The following LRRC4C variants were observed in gnomAD, a reference collection of about 807,000 sequenced individuals.
LRRC4C encodes leucine-rich repeat-containing protein 4C.
In LRRC4C, 5 loss-of-function variants were observed where a neutral mutation model predicts 33.6. The observed-to-expected ratio is 0.15, with a 90% CI of 0.08 to 0.31. The LOEUF is 0.31. Ranked by LOEUF, LRRC4C falls within the 10% of genes least tolerant of loss-of-function variation. The pLI is 1.00. For synonymous variants in LRRC4C, 329 were observed against 302.0 expected, an observed-to-expected ratio of 1.09 and a Z score of -0.93; for missense variants, 560 against 796.7, an observed-to-expected ratio of 0.70 and a Z score of 3.58.
intron 2 of LRRC4C, among the ~76,000 whole-genome samples, chr11:40,773,151 A>G (rs1053918641): frequency 2.8e-4 from 42 of 152,264 alleles, no homozygotes; most frequent in African/African-American, 9.6e-4. Flanking sequence ...AAATTCAAAC[A>G]ATTAAACTCA....
At chr11:40,772,569 A>T (rs1023659848) in intron 2 of LRRC4C, among the ~76,000 whole-genome samples, 1 of 152,232 alleles carries the variant, frequency 6.6e-6, no homozygotes, top group Non-Finnish European at 1.5e-5. Context: ...TGTAAAGAAG[A>T]TATATGAATG....
intron 2 of LRRC4C, among the ~76,000 whole-genome samples, chr11:40,834,082 T>C (rs1172746277): frequency 1.3e-5 from 2 of 152,180 alleles, no homozygotes; most frequent in African/African-American, 2.4e-5. Flanking sequence ...AGGACACAAC[T>C]GCAGTGTCAT....
At chr11:40,457,749 T>C (rs950031972) in intron 3 of LRRC4C, among the ~76,000 whole-genome samples, 1 of 152,182 alleles carries the variant, frequency 6.6e-6, no homozygotes, top group Non-Finnish European at 1.5e-5. Flanking sequence ...AATACTGTTA[T>C]AAGAGCATCT....
chr11:41,222,188 T>A (rs565013611), intron 1 of LRRC4C, among the ~76,000 whole-genome samples: 9 of 152,146 alleles, frequency 5.9e-5, no homozygotes, highest in Non-Finnish European at 1.0e-4. Flanking sequence ...AATGTACATA[T>A]GGTTGGTTAA....
intron 1 of LRRC4C, among the ~76,000 whole-genome samples, chr11:40,952,351 A>G (rs1344248404): frequency 3.9e-5 from 6 of 151,910 alleles, no homozygotes; most frequent in Non-Finnish European, 8.8e-5. Flanking sequence ...TTCGAAAGCT[A>G]CCTTTAAAAC....
chr11:40,234,193 C>A (rs1773142713), intron 5 of LRRC4C, among the ~76,000 whole-genome samples: 1 of 152,122 alleles, frequency 6.6e-6, no homozygotes, highest in South Asian at 2.1e-4. Context: ...TTTTTTTTGT[C>A]AGCTAGAATT....
chr11:41,204,829 G>C (rs1946534586), intron 1 of LRRC4C, among the ~76,000 whole-genome samples: 1 of 152,100 alleles, frequency 6.6e-6, no homozygotes, highest in Non-Finnish European at 1.5e-5. Context: ...CAAAATGTCA[G>C]TGAAGAGAAG....
chr11:41,283,614 A>G (rs1949735534), intron 1 of LRRC4C, among the ~76,000 whole-genome samples: 2 of 152,214 alleles, frequency 1.3e-5, no homozygotes, highest in African/African-American at 4.8e-5. Flanking sequence ...TCACTCATGT[A>G]CCTATTATAA....
intron 5 of LRRC4C, among the ~76,000 whole-genome samples, chr11:40,208,948 C>CCTGTGTGT (rs3221638): frequency 1.4e-5 from 2 of 146,640 alleles, no homozygotes; most frequent in Non-Finnish European, 3.0e-5. Flanking sequence ...CTTTTGTGCA[C>CCTGTGTGT]GTGTGTGTGT....
At chr11:40,368,591 C>A (rs185886717) in intron 3 of LRRC4C, among the ~76,000 whole-genome samples, 26 of 152,302 alleles carry the variant, frequency 1.7e-4, no homozygotes, top group African/African-American at 5.5e-4. Flanking sequence ...GACATGATTG[C>A]ATGTCTACAC....
chr11:41,256,579 A>G (rs750685030), intron 1 of LRRC4C, among the ~76,000 whole-genome samples: 12 of 152,058 alleles, frequency 7.9e-5, no homozygotes, highest in Non-Finnish European at 1.8e-4. Flanking sequence ...TCATAGCATT[A>G]AAAAGTAATC....
chr11:40,134,038 G>C (rs1463721102), intron 6 of LRRC4C, among the ~76,000 whole-genome samples: 1 of 152,046 alleles, frequency 6.6e-6, no homozygotes, highest in Non-Finnish European at 1.5e-5. Context: ...CTATTCTTTA[G>C]AATGAGGTAT....
chr11:41,377,903 G>A (rs1952997886), intron 1 of LRRC4C, among the ~76,000 whole-genome samples: 2 of 152,140 alleles, frequency 1.3e-5, no homozygotes, highest in South Asian at 4.1e-4. Flanking sequence ...AGGCAAAGCT[G>A]GATGCGCCAG....
At chr11:40,705,707 T>C (rs930819028) in intron 2 of LRRC4C, among the ~76,000 whole-genome samples, 1 of 152,090 alleles carries the variant, frequency 6.6e-6, no homozygotes, top group Non-Finnish European at 1.5e-5. Context: ...TTTATAATCC[T>C]TTGGGTATAT....
At chr11:40,780,035 T>A (rs898310959) in intron 2 of LRRC4C, among the ~76,000 whole-genome samples, 3 of 152,210 alleles carry the variant, frequency 2.0e-5, no homozygotes, top group African/African-American at 7.2e-5. Context: ...GTTCGATTTC[T>A]TCATCTTTAA....
At chr11:40,660,463 A>T (rs565931114) in intron 2 of LRRC4C, among the ~76,000 whole-genome samples, 1 of 152,236 alleles carries the variant, frequency 6.6e-6, no homozygotes, top group South Asian at 2.1e-4. Flanking sequence ...GTGCAGCCTT[A>T]TTAATGCATG....
intron 2 of LRRC4C, among the ~76,000 whole-genome samples, chr11:40,657,304 G>A (rs756130885): frequency 6.6e-6 from 1 of 152,146 alleles, no homozygotes; most frequent in African/African-American, 2.4e-5. Context: ...ATTGGTCTAA[G>A]CTGGAATTTT....
At chr11:40,976,880 G>T (rs1440768789) in intron 1 of LRRC4C, among the ~76,000 whole-genome samples, 2 of 152,008 alleles carry the variant, frequency 1.3e-5, no homozygotes, top group Admixed American at 6.6e-5. Flanking sequence ...ATCGTTTGGG[G>T]ATGATTCAAG....
In LRRC4C at chr11:40,476,484, T is replaced by G. The variant is rs1392366760; in HGVS notation, c.-269-156763A>C. ...CCTCAGCCTCCCAAGTAGCTGGGAC[T>G]ACGGGCACATGCCACCATGTCTGGC... is the stretch of plus-strand genomic sequence containing the variant. On this transcript the variant is annotated intron_variant, in intron 3 of 6. Coordinates refer to ENST00000528697, the MANE Select transcript of LRRC4C (RefSeq NM_001258419.2). Among the ~76,000 whole-genome samples the G allele has an allele frequency of 2.6e-5, 4 of 151,688 alleles. No homozygotes were observed. The East Asian group carries it at 7.9e-4, about 30-fold the overall frequency.
Sources: gnomAD v4.1 joint callset for allele counts (sites outside exome capture counted in the v4.1 genomes callset) on GRCh38, gnomAD v4.1.1 for gene constraint, MANE v1.5 for transcripts, NCBI Gene and HGNC (gene_info 2026-07-23, HGNC 2026-07-21) for gene names.